Variants in ODAPH observed in about 807,000 individuals in gnomAD.
ODAPH encodes the protein amelogenesis imperfecta type IIA4.
ODAPH carries 2 observed loss-of-function variants against 2.8 expected under a neutral mutation model. The observed-to-expected ratio is 0.72, with a 90% CI of 0.30 to 2.28. The LOEUF is 2.28. Ranked by LOEUF, ODAPH falls within the 30% of genes most tolerant of loss-of-function variation. ODAPH has a pLI of 0.13. For synonymous variants in ODAPH, 75 were observed against 60.3 expected, an observed-to-expected ratio of 1.24 and a Z score of -1.13; for missense variants, 159 against 163.3, an observed-to-expected ratio of 0.97 and a Z score of 0.14.
At chr4:75,559,415 T>C (rs1727475387) in intron 1 of ODAPH, among the ~76,000 whole-genome samples, 1 of 152,212 alleles carries the variant, frequency 6.6e-6, no homozygotes. Flanking sequence ...CACAAAGAGA[T>C]GATGAGATGG....
chr4:75,564,525 C>T lies in ODAPH; in HGVS notation c.*86C>T, dbSNP rs192831647. 5.6e-6 allele frequency: 9 copies of T among 1,608,760 alleles called. No homozygotes were observed. The East Asian group carries it at 6.7e-5, about 12-fold the overall frequency. On this transcript the variant is annotated 3_prime_UTR_variant, in exon 2 of 2. Transcript: ENST00000311623. Reference sequence around the variant, plus strand: ...ACAAAAAGATTTCTGTTTTATCTTTCGAAACTAAAACTATTGGATTTGAAG... The same window carrying T: ...ACAAAAAGATTTCTGTTTTATCTTTTGAAACTAAAACTATTGGATTTGAAG...
At chr4:75,562,627 A>G (rs1451391337) in intron 1 of ODAPH, among the ~76,000 whole-genome samples, 1 of 152,130 alleles carries the variant, frequency 6.6e-6, no homozygotes, top group East Asian at 1.9e-4. Context: ...AGGGAAGTTC[A>G]TTTTATCATC....
chr4:75,559,997 AAG>A (rs149379422), intron 1 of ODAPH, among the ~76,000 whole-genome samples: 19 of 150,684 alleles, frequency 1.3e-4, no homozygotes, highest in Admixed American at 4.0e-4. Context: ...CCCTGACAAA[AAG>A]AGAGAGAGAG....
At chr4:75,563,422 A>G (rs1011355627) in intron 1 of ODAPH, 9 of 154,156 alleles carry the variant, frequency 5.8e-5, no homozygotes, top group Non-Finnish European at 1.2e-4. Flanking sequence ...GTACATATAT[A>G]TCTGTTTATA....
At chr4:75,557,901 C>T (rs555117838) in intron 1 of ODAPH, among the ~76,000 whole-genome samples, 12 of 152,320 alleles carry the variant, frequency 7.9e-5, no homozygotes, top group African/African-American at 2.2e-4. Flanking sequence ...GTTGCAGTTC[C>T]GCTTTAAGGC....
Position 75,564,750 on chromosome 4 carries a change from C to A in ODAPH, c.*311C>A. Reference sequence around the variant, plus strand: ...AGTAATTCCTATCCATACTAAGATGCTGAGAGAATCCATCTCCTCCTCTAA... The same window carrying A: ...AGTAATTCCTATCCATACTAAGATGATGAGAGAATCCATCTCCTCCTCTAA... On this transcript the variant is annotated 3_prime_UTR_variant, in exon 2 of 2. Transcript: ENST00000311623. 1.8e-6 allele frequency: 1 copy of A among 541,208 alleles called. No homozygotes were observed. 33.5% of individuals were successfully genotyped at this position (541,208 alleles called of 1,614,324 possible).
At chr4:75,561,223 CAAAAAAAAAAAA>C (rs35040152) in intron 1 of ODAPH, among the ~76,000 whole-genome samples, 4 of 62,700 alleles carry the variant, frequency 6.4e-5, no homozygotes, top group Admixed American at 4.3e-4. Context: ...AACTCAATCT[CAAAAAAAAAAAA>C]AAAAAAAAAC....
At chr4:75,557,767 G>A (rs959339911) in intron 1 of ODAPH, among the ~76,000 whole-genome samples, 1 of 152,086 alleles carries the variant, frequency 6.6e-6, no homozygotes. Flanking sequence ...CCAGTTCATC[G>A]CTCGTTCACA....
intron 1 of ODAPH, among the ~76,000 whole-genome samples, chr4:75,560,764 G>A (rs1438858198): frequency 6.6e-6 from 1 of 152,116 alleles, no homozygotes; most frequent in African/African-American, 2.4e-5. Flanking sequence ...ATTGTTAGAG[G>A]AGGATTTAGA....
chr4:75,556,588 G>A, intron 1 of ODAPH: 1 of 1,533,466 alleles, frequency 6.5e-7, no homozygotes, highest in Non-Finnish European at 8.7e-7. Flanking sequence ...GCACATGGTG[G>A]GTATTTAGTC....
In ODAPH at chr4:75,564,253, G is replaced by A. The variant is rs150692328; in HGVS notation, c.207G>A (p.Arg69=). 8.1e-6 allele frequency: 13 copies of A among 1,614,146 alleles called. No homozygotes were observed. The South Asian group carries it at 1.2e-4, about 15-fold the overall frequency. ...CCCAGCCCATCACAAAGACACCCAG[G>A]TGTCCCTTCCATTTTTTTCCACGAA... ...TRAQPITKTP[R]CPFHFFPRRP... Residue 69 remains arginine (R), a synonymous_variant, in exon 2 of 2, where the codon AGG becomes AGA. Transcript: ENST00000311623.
intron 1 of ODAPH, chr4:75,556,628 A>G (rs771678276): frequency 8.3e-6 from 12 of 1,443,234 alleles, no homozygotes; most frequent in Non-Finnish European, 1.1e-5. Flanking sequence ...AATCACATCT[A>G]TTGAGCTGCA....
At chr4:75,564,043 C>T in intron 1 of ODAPH, 71 bp from the exon 2 acceptor site, 1 of 1,362,008 alleles carries the variant, frequency 7.3e-7, no homozygotes, top group East Asian at 2.3e-5. Context: ...TTCTCCTCTG[C>T]CACCACTCTA....
chr4:75,564,569 C>T lies in ODAPH; in HGVS notation c.*130C>T, dbSNP rs776461175. ...TTTGAAGATTAAGTATCCTAAACAT[C>T]ACTGACTAGAAACTGTTCTCTTTGT... On this transcript the variant is annotated 3_prime_UTR_variant, in exon 2 of 2. Transcript: ENST00000311623. 1 of 1,553,980 alleles carries T rather than the reference C, an allele frequency of 6.4e-7. No individual in the cohort carries two copies. The highest frequency in any genetic ancestry group is 8.7e-7 in the Non-Finnish European group (1 of 1,151,968).
intron 1 of ODAPH, among the ~76,000 whole-genome samples, chr4:75,558,222 G>A (rs1003661447): frequency 2.0e-5 from 3 of 152,078 alleles, no homozygotes; most frequent in African/African-American, 7.2e-5. Context: ...ATACTTTCTG[G>A]GCTCTGATAT....
chr4:75,556,619 A>T (rs942928658), intron 1 of ODAPH: 1 of 1,492,772 alleles, frequency 6.7e-7, no homozygotes, highest in Non-Finnish European at 9.0e-7. Flanking sequence ...GCTTTAATTA[A>T]TCACATCTAT....
chr4:75,561,476 A>G (rs1370705131), intron 1 of ODAPH, among the ~76,000 whole-genome samples: 1 of 152,158 alleles, frequency 6.6e-6, no homozygotes. Flanking sequence ...AGCTTTAGAA[A>G]CAAGTAGAGC....
intron 1 of ODAPH, among the ~76,000 whole-genome samples, chr4:75,559,167 C>T (rs1186849063): frequency 3.3e-5 from 5 of 152,116 alleles, no homozygotes; most frequent in African/African-American, 1.2e-4. Flanking sequence ...CTGGAGACAC[C>T]GGCAGTGACC....
Position 75,563,005 on chromosome 4 carries a change from C to CTTTTTTT in ODAPH, c.68-1078_68-1072dup, listed in dbSNP as rs542417085. Among the ~76,000 whole-genome samples the CTTTTTTT allele has an allele frequency of 8.9e-4, 53 of 59,602 alleles. 17 individuals carry two copies. The highest frequency in any genetic ancestry group is 1.4e-3 in the South Asian group (2 of 1,402). 39.1% of individuals were successfully genotyped at this position (59,602 alleles called of 152,430 possible). On this transcript the variant is annotated intron_variant, in intron 1 of 1. Coordinates refer to ENST00000311623, the MANE Select transcript of ODAPH (RefSeq NM_178497.5). ...TTTACATGCAATAAAATCCACACAT[C>CTTTTTTT]TTTTTTTTTTTTTTTTTTTTTTTTT...
Sources: allele counts gnomAD v4.1 joint callset (sites outside exome capture counted in the v4.1 genomes callset), GRCh38; gene constraint gnomAD v4.1.1; transcripts MANE v1.5; gene names NCBI Gene and HGNC (gene_info 2026-07-23, HGNC 2026-07-21).